DPH6: variants seen among roughly 807,000 people sequenced by gnomAD.
DPH6 encodes the protein diphthine--ammonia ligase.
DPH6 carries 33 observed loss-of-function variants against 38.2 expected under a neutral mutation model. The observed-to-expected ratio is 0.86, with a 90% CI of 0.65 to 1.15. The LOEUF is 1.15. Ranked by LOEUF, DPH6 falls within the 50% of genes most tolerant of loss-of-function variation. The probability of loss-of-function intolerance (pLI) is 0.00; values close to 1 mark genes in which losing one functional copy is unlikely to be tolerated. For synonymous variants in DPH6, 108 were observed against 103.0 expected, an observed-to-expected ratio of 1.05 and a Z score of -0.30; for missense variants, 325 against 320.0, an observed-to-expected ratio of 1.02 and a Z score of -0.12.
chr15:35,212,426 C>G (rs189737913), downstream of DPH6, among the ~76,000 whole-genome samples: 205 of 152,202 alleles, frequency 1.3e-3, no homozygotes, highest in African/African-American at 4.8e-3. Flanking sequence ...AAAAGAAATA[C>G]AAGCAGGTTA....
At chr15:35,399,334 TG>T (rs1300786312) in intron 6 of DPH6, among the ~76,000 whole-genome samples, 3 of 151,816 alleles carry the variant, frequency 2.0e-5, no homozygotes, top group Non-Finnish European at 4.4e-5. Flanking sequence ...GAAGCAAAAT[TG>T]AGAAATTCTA....
At chr15:35,323,133 T>C (rs1363418871) in intron 3 of DPH6, among the ~76,000 whole-genome samples, 2 of 152,154 alleles carry the variant, frequency 1.3e-5, no homozygotes, top group African/African-American at 4.8e-5. Context: ...AAATCTTATA[T>C]AGTGGAGACA....
chr15:35,156,367 T>A, the DPH6 span, among the ~76,000 whole-genome samples: 1 of 152,192 alleles, frequency 6.6e-6, no homozygotes. Flanking sequence ...TTAAAGTCTC[T>A]TATTAGAAAT....
At chr15:35,541,681 G>A (rs189897060) in intron 2 of DPH6, among the ~76,000 whole-genome samples, 5 of 152,204 alleles carry the variant, frequency 3.3e-5, no homozygotes, top group Admixed American at 1.3e-4. Context: ...AGTCACAAAA[G>A]TGCTAATCTT....
At chr15:35,218,074 T>C (rs1360522992) in exon 4 of DPH6, 1 of 152,112 alleles carries the variant, frequency 6.6e-6, no homozygotes, top group Non-Finnish European at 1.5e-5. Context: ...ATATTTTCAG[T>C]CCTCGGTTGA....
At chr15:35,309,802 A>C (rs2052124756) in intron 3 of DPH6, among the ~76,000 whole-genome samples, 1 of 152,192 alleles carries the variant, frequency 6.6e-6, no homozygotes, top group African/African-American at 2.4e-5. Flanking sequence ...TTTGGTAAAA[A>C]TAAAATCCCT....
intron 3 of DPH6, among the ~76,000 whole-genome samples, chr15:35,526,233 T>C (rs1033702074): frequency 5.9e-5 from 9 of 152,210 alleles, no homozygotes; most frequent in Non-Finnish European, 1.2e-4. Context: ...AGAACTGGTC[T>C]TAAAATAGAC....
Position 35,357,240 on chromosome 15 carries a change from C to T in DPH6, n.207+16281G>A, listed in dbSNP as rs112394508. Among the ~76,000 whole-genome samples, 1,365 of 152,332 alleles carry T rather than the reference C, an allele frequency of 9.0e-3. 13 individuals are homozygous for T. Among genetic ancestry groups the T allele is most frequent in the Non-Finnish European group, 0.014 (968 of 68,020 alleles). The stretch of plus-strand genomic sequence containing the variant: ...GACCCCTTGTGCTTCCCAGGTGAGG[C>T]GATGCCTCGCCCTGCTTCAGCTCAC... On this transcript the variant is annotated intron_variant and non_coding_transcript_variant, in intron 3 of 3. Coordinates refer to the DPH6 transcript ENST00000558973.
intron 3 of DPH6, among the ~76,000 whole-genome samples, chr15:35,248,611 A>G (rs1354294685): frequency 6.6e-6 from 1 of 152,160 alleles, no homozygotes; most frequent in East Asian, 1.9e-4. Context: ...CTTTCCCTCT[A>G]TCTATGGGTC....
At chr15:35,161,365 G>A in the DPH6 span, among the ~76,000 whole-genome samples, 1 of 151,876 alleles carries the variant, frequency 6.6e-6, no homozygotes, top group South Asian at 2.1e-4. Flanking sequence ...AAGCCTTCCA[G>A]ATTTATACCT....
chr15:35,425,065 G>C (rs16960895), intron 5 of DPH6, among the ~76,000 whole-genome samples: 50,739 of 151,152 alleles, frequency 0.34, 10,031 homozygotes, highest in African/African-American at 0.56. Flanking sequence ...ACATATAGTT[G>C]AGACAGCAAC....
At chr15:35,484,288 G>A (rs139913901) in intron 3 of DPH6, among the ~76,000 whole-genome samples, 28 of 152,278 alleles carry the variant, frequency 1.8e-4, no homozygotes, top group African/African-American at 3.4e-4. Context: ...AAGAAACTAC[G>A]CTAAAATGTG....
At chr15:35,473,111 T>G (rs2054218063) in intron 3 of DPH6, among the ~76,000 whole-genome samples, 2 of 152,166 alleles carry the variant, frequency 1.3e-5, no homozygotes, top group Admixed American at 1.3e-4. Flanking sequence ...TCTAAGATGC[T>G]CGGTTTCAAA....
At chr15:35,471,993 G>A (rs956397920) in intron 3 of DPH6, among the ~76,000 whole-genome samples, 8 of 151,882 alleles carry the variant, frequency 5.3e-5, no homozygotes, top group Non-Finnish European at 1.0e-4. Context: ...TTATCATTTT[G>A]TGAAAATAAC....
chr15:35,517,348 C>G (rs903801245), intron 3 of DPH6, among the ~76,000 whole-genome samples: 2 of 151,990 alleles, frequency 1.3e-5, no homozygotes, highest in Non-Finnish European at 2.9e-5. Flanking sequence ...TCACTGTCTT[C>G]GGTAATGTAA....
At chr15:35,537,791 C>T (rs2055192323) in intron 3 of DPH6, among the ~76,000 whole-genome samples, 1 of 152,104 alleles carries the variant, frequency 6.6e-6, no homozygotes, top group African/African-American at 2.4e-5. Flanking sequence ...GATTCTGCTT[C>T]ATTTTTCCTC....
At chr15:35,384,932 AC>A (rs948154835) in intron 6 of DPH6, among the ~76,000 whole-genome samples, 6 of 152,158 alleles carry the variant, frequency 3.9e-5, no homozygotes, top group East Asian at 3.9e-4. Flanking sequence ...AAGAAAAAAA[AC>A]AACCCCATCA....
intron 3 of DPH6, among the ~76,000 whole-genome samples, chr15:35,456,777 T>G (rs2054002994): frequency 6.6e-6 from 1 of 151,978 alleles, no homozygotes; most frequent in African/African-American, 2.4e-5. Flanking sequence ...TGAGCCACTG[T>G]GCCTGGCTGT....
intron 3 of DPH6, among the ~76,000 whole-genome samples, chr15:35,268,424 G>T (rs2051798417): frequency 6.6e-6 from 1 of 151,522 alleles, no homozygotes. Context: ...ATTAAGGAAA[G>T]AATGGGTGAC....
Sources: allele counts gnomAD v4.1 joint callset (sites outside exome capture counted in the v4.1 genomes callset), GRCh38; gene constraint gnomAD v4.1.1; transcripts MANE v1.5; gene names NCBI Gene and HGNC (gene_info 2026-07-23, HGNC 2026-07-21).